The following NHSL2 variants were observed in gnomAD, a reference collection of about 807,000 sequenced individuals.
The protein encoded by NHSL2 is NHS-like protein 2.
Under a neutral mutation model 53.4 loss-of-function variants are expected in NHSL2, and 27 were observed. The ratio of observed to expected loss-of-function variants is 0.51; its 90% CI spans 0.37 to 0.70. The LOEUF is 0.70. Ranked by LOEUF, NHSL2 falls within the 30% of genes least tolerant of loss-of-function variation. The pLI is 0.00. For synonymous variants in NHSL2, 408 were observed against 404.1 expected (o/e 1.01, Z -0.12); for missense variants, 892 against 980.1 (o/e 0.91, Z 1.20).
At chrX:72,005,616 G>A (rs895515198) in intron 1 of NHSL2, among the ~76,000 whole-genome samples, 2 of 111,855 alleles carry the variant, frequency 1.8e-5, no homozygotes, top group Non-Finnish European at 3.8e-5. Context: ...TTGACAATGG[G>A]GCGTGAAGCA....
intron 2 of NHSL2, 71 bp from the exon 3 acceptor site, chrX:72,134,020 A>T: frequency 9.2e-7 from 1 of 1,090,516 alleles, no homozygotes; most frequent in East Asian, 3.3e-5. Flanking sequence ...GTCCTGGCTC[A>T]TGGCCCTTCC....
At chrX:72,131,887 G>A in intron 1 of NHSL2, 192 bp from the exon 2 acceptor site, 1 of 397,432 alleles carries the variant, frequency 2.5e-6, no homozygotes, top group Non-Finnish European at 4.2e-6. Context: ...CGGAGCGGGA[G>A]GGAGCGGACT....
At chrX:72,118,158 G>A (rs998830907) in intron 1 of NHSL2, among the ~76,000 whole-genome samples, 18 of 111,343 alleles carry the variant, frequency 1.6e-4, no homozygotes, top group Non-Finnish European at 3.0e-4. Flanking sequence ...TTTTATTATA[G>A]CCATCCTAGT....
chrX:72,123,620 A>G, intron 1 of NHSL2, among the ~76,000 whole-genome samples: 1 of 112,153 alleles, frequency 8.9e-6, no homozygotes, highest in African/African-American at 3.2e-5. Context: ...CAAGAGGTGA[A>G]GGAGACCACA....
intron 1 of NHSL2, among the ~76,000 whole-genome samples, chrX:71,958,327 C>G (rs1054798935): frequency 2.7e-5 from 3 of 111,650 alleles, no homozygotes; most frequent in African/African-American, 9.8e-5. Flanking sequence ...GCTAGCTAGC[C>G]CAAACCAGAA....
intron 1 of NHSL2, among the ~76,000 whole-genome samples, chrX:71,929,301 C>T (rs1332017163): frequency 1.8e-5 from 2 of 112,118 alleles, no homozygotes; most frequent in East Asian, 5.6e-4. Context: ...CAAGATCTAG[C>T]GCTGGGTCTT....
At chrX:72,072,432 G>C (rs781055957) in intron 1 of NHSL2, among the ~76,000 whole-genome samples, 3 of 112,039 alleles carry the variant, frequency 2.7e-5, no homozygotes, top group African/African-American at 9.7e-5. Flanking sequence ...GCACAACTTA[G>C]AGATCTTTCA....
intron 1 of NHSL2, among the ~76,000 whole-genome samples, chrX:71,961,450 C>T (rs781104368): frequency 2.9e-5 from 3 of 103,646 alleles, no homozygotes; most frequent in African/African-American, 1.1e-4. Context: ...TCCTTCCTCC[C>T]GCCCTCCCTT....
At chrX:72,130,907 G>T in intron 1 of NHSL2, 1 of 1,211,797 alleles carries the variant, frequency 8.3e-7, no homozygotes, top group Non-Finnish European at 1.1e-6. Context: ...GCATGCAAGG[G>T]GCTTCCTTCC....
chrX:72,117,955 CAT>C (rs1198990778), intron 1 of NHSL2, among the ~76,000 whole-genome samples: 4 of 109,703 alleles, frequency 3.6e-5, no homozygotes, highest in Non-Finnish European at 7.6e-5. Flanking sequence ...TTTGTGTGGA[CAT>C]ATGTTTCCAA....
At chrX:71,987,999 A>AGT (rs1194484638) in intron 1 of NHSL2, among the ~76,000 whole-genome samples, 1 of 112,711 alleles carries the variant, frequency 8.9e-6, no homozygotes, top group African/African-American at 3.2e-5. Flanking sequence ...ACCAAGAGAA[A>AGT]GTACTGCCAC....
chrX:72,113,554 A>ATTT (rs1414800008), intron 1 of NHSL2, among the ~76,000 whole-genome samples: 1 of 112,052 alleles, frequency 8.9e-6, no homozygotes, highest in African/African-American at 3.2e-5. Context: ...TCTTGCAAAA[A>ATTT]GCATGCAGTT....
At chrX:72,093,712 A>AGCTTGCTTGCTTGCTT (rs747248899) in intron 1 of NHSL2, among the ~76,000 whole-genome samples, 79 of 71,550 alleles carry the variant, frequency 1.1e-3, no homozygotes, top group African/African-American at 3.5e-3. Context: ...CCCCTAGTAT[A>AGCTTGCTTGCTTGCTT]GCTTGCTTGC....
intron 1 of NHSL2, among the ~76,000 whole-genome samples, chrX:72,020,665 A>G (rs1410774387): frequency 8.9e-6 from 1 of 112,320 alleles, no homozygotes; most frequent in Non-Finnish European, 1.9e-5. Context: ...GAAGCCCCCA[A>G]AATAAACCCA....
At position 72,140,293 on chromosome X, in the gene NHSL2, A is replaced by C. The variant is rs758468160; in HGVS notation, c.2745A>C (p.Pro915=). Residue 915 remains proline, a synonymous_variant, in exon 6 of 8, where the codon CCA becomes CCC. Coordinates refer to ENST00000633930, the MANE Select transcript of NHSL2 (RefSeq NM_001013627.3). ...PPRSSIQHAR[P]LPQDSYTVVR... is the part of the protein sequence containing the mutation. ...GGAGCTCAATTCAACATGCGAGACC[A>C]CTCCCTCAAGACAGCTACACGGTAG... The C allele has an allele frequency of 9.9e-6, 12 of 1,208,176 alleles. No homozygotes were observed. The Admixed American group carries it at 1.3e-4, about 13-fold the overall frequency.
intron 1 of NHSL2, among the ~76,000 whole-genome samples, chrX:71,982,979 C>G (rs147625445): frequency 0.021 from 2,364 of 111,809 alleles, 63 homozygotes; most frequent in African/African-American, 0.074. Context: ...GGGACGCAGT[C>G]TTGGGGACTG....
intron 1 of NHSL2, among the ~76,000 whole-genome samples, chrX:72,077,685 A>G (rs1013053794): frequency 1.8e-5 from 2 of 112,574 alleles, no homozygotes; most frequent in African/African-American, 3.2e-5. Context: ...GCAATGTGCA[A>G]TGGCAGCTCC....
chrX:72,089,445 G>T (rs940916189), intron 1 of NHSL2, among the ~76,000 whole-genome samples: 2 of 111,334 alleles, frequency 1.8e-5, no homozygotes, highest in African/African-American at 6.5e-5. Context: ...GATTCCAGAG[G>T]GCTTGTAGGA....
At position 71,910,961 on chromosome X, in the gene NHSL2, C is replaced by G; in HGVS notation, c.-127C>G. 1 of 497,101 alleles carries G rather than the reference C, an allele frequency of 2.0e-6. No homozygotes were observed. The highest frequency in any genetic ancestry group is 2.8e-6 in the Non-Finnish European group (1 of 363,031). The allele number at this position is 497,101 out of a possible 1,213,427, so 41.0% of individuals were successfully genotyped here. On this transcript the variant is annotated 5_prime_UTR_variant, in exon 1 of 8. Coordinates refer to ENST00000633930, the MANE Select transcript of NHSL2 (RefSeq NM_001013627.3). ...TTTGGCGCCCGCACGCTCTCCGGCC[C>G]GCGCCCAGGGGCCTGCTACACCCGG...
Sources: gnomAD v4.1 joint callset for allele counts (sites outside exome capture counted in the v4.1 genomes callset) on GRCh38, gnomAD v4.1.1 for gene constraint, MANE v1.5 for transcripts, NCBI Gene and HGNC (gene_info 2026-07-23, HGNC 2026-07-21) for gene names.